Variants in HS6ST2 observed in about 807,000 individuals in gnomAD.
HS6ST2 encodes the protein heparan sulfate 6-O-sulfotransferase 2, also known as heparan-sulfate 6-O-sulfotransferase 2.
A neutral mutation model predicts 33.0 loss-of-function variants in HS6ST2; 17 were observed. The ratio of observed to expected loss-of-function variants is 0.52; its 90% CI spans 0.35 to 0.77. The LOEUF is 0.77. HS6ST2 is among the 30% of genes least tolerant of loss of function. The pLI, the probability that HS6ST2 is intolerant of heterozygous loss-of-function variation, is 0.01. For synonymous variants in HS6ST2, 248 were observed against 237.1 expected (o/e 1.05, Z -0.42); for missense variants, 519 against 551.7 (o/e 0.94, Z 0.59).
intron 2 of HS6ST2, among the ~76,000 whole-genome samples, chrX:132,716,896 T>G (rs1343490283): frequency 8.9e-6 from 1 of 112,430 alleles, no homozygotes; most frequent in Non-Finnish European, 1.9e-5. Flanking sequence ...TTTCATTGTA[T>G]CTTTTACACA....
chrX:132,893,474 T>C (rs1288819097), intron 2 of HS6ST2, among the ~76,000 whole-genome samples: 1 of 111,860 alleles, frequency 8.9e-6, no homozygotes, highest in Non-Finnish European at 1.9e-5. Flanking sequence ...GCCCAGATGG[T>C]TCATAGGACT....
At chrX:132,735,830 T>TTTTA (rs760034776) in intron 2 of HS6ST2, among the ~76,000 whole-genome samples, 95 of 111,910 alleles carry the variant, frequency 8.5e-4, no homozygotes, top group Non-Finnish European at 1.3e-3. Flanking sequence ...AACTGTGTGC[T>TTTTA]TTTATTTATT....
At chrX:132,872,707 C>G (rs1009045660) in intron 2 of HS6ST2, among the ~76,000 whole-genome samples, 1 of 111,745 alleles carries the variant, frequency 8.9e-6, no homozygotes, top group Non-Finnish European at 1.9e-5. Flanking sequence ...GACTCCTTAT[C>G]CCTTTGGGAT....
chrX:132,757,606 T>TTCTCTC (rs373369533), intron 2 of HS6ST2, among the ~76,000 whole-genome samples: 1 of 106,643 alleles, frequency 9.4e-6, no homozygotes, highest in Non-Finnish European at 2.0e-5. Flanking sequence ...GCCCTTTGTG[T>TTCTCTC]TCTCTCTCTC....
intron 3 of HS6ST2, among the ~76,000 whole-genome samples, chrX:132,671,062 T>C (rs2063871440): frequency 8.9e-6 from 1 of 112,359 alleles, no homozygotes; most frequent in South Asian, 3.7e-4. Flanking sequence ...GAGTGGGGAC[T>C]GAAGAATTCA....
intron 2 of HS6ST2, among the ~76,000 whole-genome samples, chrX:132,766,114 T>G (rs1303870208): frequency 1.8e-5 from 2 of 111,976 alleles, no homozygotes; most frequent in Non-Finnish European, 3.8e-5. Context: ...GGAATTTGTA[T>G]TTTCAACCAG....
intron 4 of HS6ST2, among the ~76,000 whole-genome samples, chrX:132,650,310 A>G (rs1603291914): frequency 9.0e-6 from 1 of 111,077 alleles, no homozygotes; most frequent in South Asian, 3.9e-4. Context: ...GTCTGGAGAG[A>G]ACAGTATGAG....
At chrX:132,793,956 G>A (rs1199796648) in intron 2 of HS6ST2, among the ~76,000 whole-genome samples, 1 of 112,495 alleles carries the variant, frequency 8.9e-6, no homozygotes, top group Admixed American at 9.4e-5. Flanking sequence ...TCCGTGCCAC[G>A]TTTCACCACT....
At chrX:132,958,050 C>A (rs769912460) in intron 1 of HS6ST2, 125 bp downstream of exon 1, 10 of 685,884 alleles carry the variant, frequency 1.5e-5, no homozygotes, top group African/African-American at 2.2e-5. Context: ...AGACCCTAGC[C>A]GGGCCACCAA....
At chrX:132,653,653 T>C (rs1026389914) in intron 4 of HS6ST2, among the ~76,000 whole-genome samples, 1 of 111,863 alleles carries the variant, frequency 8.9e-6, no homozygotes, top group Non-Finnish European at 1.9e-5. Context: ...TCCACAGTCA[T>C]TTGACTCTCA....
intron 2 of HS6ST2, among the ~76,000 whole-genome samples, chrX:132,892,744 G>T (rs908838572): frequency 3.6e-5 from 4 of 111,774 alleles, no homozygotes; most frequent in Non-Finnish European, 7.5e-5. Context: ...ATCTGAACCT[G>T]GGAGGTGGAA....
chrX:132,854,001 A>C (rs756976568), intron 2 of HS6ST2, among the ~76,000 whole-genome samples: 5 of 110,493 alleles, frequency 4.5e-5, no homozygotes, highest in African/African-American at 1.3e-4. Flanking sequence ...ACACCACTGC[A>C]CTCCAGCTCA....
chrX:132,887,577 A>G (rs1235568444), intron 2 of HS6ST2, among the ~76,000 whole-genome samples: 2 of 112,416 alleles, frequency 1.8e-5, no homozygotes, highest in Non-Finnish European at 3.8e-5. Context: ...CTGACACTTT[A>G]AAACATTCTT....
intron 2 of HS6ST2, among the ~76,000 whole-genome samples, chrX:132,906,971 T>C (rs2066481271): frequency 9.0e-6 from 1 of 111,235 alleles, no homozygotes; most frequent in African/African-American, 3.3e-5. Context: ...AGCCAAGAAG[T>C]GATTCAGAAA....
intron 2 of HS6ST2, among the ~76,000 whole-genome samples, chrX:132,944,883 C>T (rs1016119534): frequency 9.0e-6 from 1 of 111,350 alleles, no homozygotes; most frequent in Non-Finnish European, 1.9e-5. Context: ...AAATGTTAGA[C>T]CTAAAACCAT....
intron 2 of HS6ST2, among the ~76,000 whole-genome samples, chrX:132,770,110 T>C (rs1370344294): frequency 8.9e-6 from 1 of 112,013 alleles, no homozygotes; most frequent in Non-Finnish European, 1.9e-5. Context: ...TATCATCTCC[T>C]GAGTGCTGCT....
At chrX:132,710,813 T>C (rs1338939207) in intron 2 of HS6ST2, among the ~76,000 whole-genome samples, 1 of 111,611 alleles carries the variant, frequency 9.0e-6, no homozygotes, top group Non-Finnish European at 1.9e-5. Context: ...CACCTTGAAA[T>C]ACTGTAAAAA....
chrX:132,893,795 A>G (rs1283076175), intron 2 of HS6ST2, among the ~76,000 whole-genome samples: 1 of 111,269 alleles, frequency 9.0e-6, no homozygotes, highest in African/African-American at 3.3e-5. Flanking sequence ...TCTATTTACT[A>G]TAGGCATACA....
At chrX:132,641,116 G>A (rs980251032) in intron 4 of HS6ST2, among the ~76,000 whole-genome samples, 1 of 112,121 alleles carries the variant, frequency 8.9e-6, no homozygotes, top group African/African-American at 3.2e-5. Flanking sequence ...ACTTATAAGC[G>A]AGAACATGAA....
Sources: allele counts gnomAD v4.1 joint callset (sites outside exome capture counted in the v4.1 genomes callset), GRCh38; gene constraint gnomAD v4.1.1; transcripts MANE v1.5; gene names NCBI Gene and HGNC (gene_info 2026-07-23, HGNC 2026-07-21).